Variants in SHTN1 observed in about 807,000 individuals in gnomAD.
SHTN1 encodes the protein shootin 1, also known as shootin-1.
Under a neutral mutation model 83.1 loss-of-function variants are expected in SHTN1, and 42 were observed. The observed-to-expected ratio is 0.51, with a 90% CI of 0.39 to 0.65. The LOEUF is 0.65. SHTN1 is among the 30% of genes least tolerant of loss of function. The probability of loss-of-function intolerance (pLI) is 0.00; values close to 1 mark genes in which losing one functional copy is unlikely to be tolerated. For missense variants in SHTN1, 622 were observed against 737.8 expected, an observed-to-expected ratio of 0.84 and a Z score of 1.82; for synonymous variants, 224 against 247.7, an observed-to-expected ratio of 0.90 and a Z score of 0.90.
At chr10:117,050,942 T>C (rs1852731489) in intron 1 of SHTN1, among the ~76,000 whole-genome samples, 2 of 152,100 alleles carry the variant, frequency 1.3e-5, no homozygotes, top group Admixed American at 6.6e-5. Context: ...CCTGTAGTCC[T>C]AGCTACTGAG....
chr10:117,056,783 C>A (rs1343736564), intron 1 of SHTN1, among the ~76,000 whole-genome samples: 1 of 152,096 alleles, frequency 6.6e-6, no homozygotes, highest in Middle Eastern at 3.2e-3. Flanking sequence ...TGCACTCCAG[C>A]CTAGGCAATA....
At chr10:117,032,187 T>C (rs1175216889) in intron 2 of SHTN1, among the ~76,000 whole-genome samples, 5 of 152,126 alleles carry the variant, frequency 3.3e-5, no homozygotes, top group African/African-American at 7.2e-5. Flanking sequence ...AGGGGTCAAC[T>C]CAGCAAGAAG....
chr10:117,101,765 A>C (rs1024427657), intron 1 of SHTN1, among the ~76,000 whole-genome samples: 15 of 152,192 alleles, frequency 9.9e-5, no homozygotes, highest in African/African-American at 3.6e-4. Context: ...CAAATCATTT[A>C]ACTGTATTCC....
At chr10:116,965,931 C>G (rs1850374638) in intron 3 of SHTN1, among the ~76,000 whole-genome samples, 1 of 152,138 alleles carries the variant, frequency 6.6e-6, no homozygotes, top group African/African-American at 2.4e-5. Flanking sequence ...ACCCTCTGCT[C>G]AAAAGCCATG....
chr10:116,911,300 C>T (rs564087706), intron 14 of SHTN1, among the ~76,000 whole-genome samples: 1 of 152,276 alleles, frequency 6.6e-6, no homozygotes, highest in South Asian at 2.1e-4. Context: ...AAAAGGGCCT[C>T]TTATTTTATT....
chr10:116,988,532 A>AT (rs1476915303), intron 1 of SHTN1, among the ~76,000 whole-genome samples: 1 of 146,676 alleles, frequency 6.8e-6, no homozygotes, highest in African/African-American at 2.5e-5. Flanking sequence ...TTTTACTTAT[A>AT]TATTATTTAT....
At chr10:117,081,504 G>A (rs1331435075) in intron 1 of SHTN1, among the ~76,000 whole-genome samples, 1 of 142,438 alleles carries the variant, frequency 7.0e-6, no homozygotes, top group Non-Finnish European at 1.5e-5. Context: ...CTCTTTTTTG[G>A]TTGTGTCTCT....
intron 1 of SHTN1, among the ~76,000 whole-genome samples, chr10:117,077,052 G>C (rs533409324): frequency 2.0e-5 from 3 of 151,998 alleles, no homozygotes; most frequent in Non-Finnish European, 4.4e-5. Flanking sequence ...TTTCATATTA[G>C]ATCTTAAGCT....
At chr10:117,025,670 G>T (rs1852324740) in intron 2 of SHTN1, among the ~76,000 whole-genome samples, 1 of 152,130 alleles carries the variant, frequency 6.6e-6, no homozygotes, top group Non-Finnish European at 1.5e-5. Context: ...CTTGAGGAGA[G>T]GAGAGGAGAG....
At chr10:116,911,920 A>G (rs1206679468) in intron 13 of SHTN1, 77 bp from the exon 14 acceptor site, 1 of 1,008,778 alleles carries the variant, frequency 9.9e-7, no homozygotes, top group African/African-American at 1.6e-5. Context: ...TACATGGCAA[A>G]CTATTAGTAG....
At chr10:117,027,232 G>A (rs1342091189) in intron 2 of SHTN1, among the ~76,000 whole-genome samples, 3 of 152,110 alleles carry the variant, frequency 2.0e-5, no homozygotes, top group Non-Finnish European at 2.9e-5. Context: ...CATGGGACTG[G>A]TTTCTCATGA....
At chr10:116,925,685 T>C (rs1403775874) in intron 11 of SHTN1, among the ~76,000 whole-genome samples, 3 of 152,238 alleles carry the variant, frequency 2.0e-5, no homozygotes, top group African/African-American at 7.2e-5. Flanking sequence ...CCTCTCCCCA[T>C]GAACTATATC....
chr10:117,011,454 T>A (rs879407008), intron 2 of SHTN1, among the ~76,000 whole-genome samples: 1 of 152,204 alleles, frequency 6.6e-6, no homozygotes, highest in Admixed American at 6.5e-5. Flanking sequence ...TATTAGTCAA[T>A]ATGTCTGTCC....
chr10:117,119,443 G>A (rs967071461), intron 1 of SHTN1, among the ~76,000 whole-genome samples: 7 of 152,142 alleles, frequency 4.6e-5, no homozygotes, highest in Non-Finnish European at 8.8e-5. Flanking sequence ...ATATGAAAAG[G>A]TGCTCAACAT....
intron 2 of SHTN1, chr10:117,048,334 C>G (rs1852696760): frequency 4.0e-6 from 1 of 249,688 alleles, no homozygotes; most frequent in Non-Finnish European, 6.4e-6. Context: ...CTAATCAACA[C>G]TCATTCACAA....
chr10:117,078,410 G>T (rs1189059733), intron 1 of SHTN1, among the ~76,000 whole-genome samples: 1 of 152,082 alleles, frequency 6.6e-6, no homozygotes, highest in Non-Finnish European at 1.5e-5. Flanking sequence ...CACCGCTGGT[G>T]ACTAACAGCC....
At position 116,906,655 on chromosome 10, in the gene SHTN1, T is replaced by G. The variant is rs759131740; in HGVS notation, c.1452A>C (p.Arg484Ser). Residue 484 changes from arginine to serine, a missense_variant, in exon 15 of 17, where the codon AGA (arginine) becomes AGC (serine). Arg to Ser is a moderately radical substitution (Grantham distance 110). This residue lies in a region of SHTN1 where 231 missense variants were observed against 251.6 expected (regional missense o/e 0.92). Transcript: ENST00000355371. ...ETELERILRR[R>S]KVTAEADSSS... is the part of the protein sequence containing the mutation. ...TGCTATCTGCTTCTGCTGTCACCTT[T>G]CTGCGACGCAAAATCCTTTCTAACT... is the stretch of plus-strand genomic sequence containing the variant. The G allele has an allele frequency of 1.2e-6, 2 of 1,613,516 alleles. No individual in the cohort carries two copies. The highest frequency in any genetic ancestry group is 1.7e-6 in the Non-Finnish European group (2 of 1,179,628).
At chr10:117,070,173 G>C in intron 1 of SHTN1, among the ~76,000 whole-genome samples, 1 of 151,478 alleles carries the variant, frequency 6.6e-6, no homozygotes, top group East Asian at 1.9e-4. Flanking sequence ...AATGGACCCC[G>C]AAGTCAATAT....
chr10:116,944,924 C>A lies in SHTN1; in HGVS notation c.711G>T (p.Glu237Asp). ...LRKKAESFAQ[E>D]MFIEQNKLKR... ...AATAAGATTTTTACAAGATACCCACCTCTTGTGCAAATGACTCTGCTTTCT... is the reference window on the plus strand; with the variant it reads ...AATAAGATTTTTACAAGATACCCACATCTTGTGCAAATGACTCTGCTTTCT... The change falls in exon 8 of 17, where the codon GAG becomes GAT. Residue 237 changes from glutamate to aspartate, a missense_variant and splice_region_variant. Physicochemically the swap from Glu to Asp is conservative, Grantham distance 45 (BLOSUM62 2). This residue lies in a region of SHTN1 where 383 missense variants were observed against 455.8 expected (regional missense o/e 0.84). Coordinates refer to ENST00000355371, the MANE Select transcript of SHTN1 (RefSeq NM_001127211.3). 6.3e-7 allele frequency: 1 copy of A among 1,587,676 alleles called. No individual in the cohort carries two copies. The highest frequency in any genetic ancestry group is 8.7e-7 in the Non-Finnish European group (1 of 1,156,036).
Sources: gnomAD v4.1 joint callset for allele counts (sites outside exome capture counted in the v4.1 genomes callset) on GRCh38, gnomAD v4.1.1 for gene constraint, gnomAD v4.1.1 regional missense constraint, MANE v1.5 for transcripts, NCBI Gene and HGNC (gene_info 2026-07-23, HGNC 2026-07-21) for gene names.